The following TAFA1 variants were observed in gnomAD, a reference collection of about 807,000 sequenced individuals.
The protein encoded by TAFA1 is chemokine-like protein TAFA-1.
TAFA1 carries 4 observed loss-of-function variants against 18.5 expected under a neutral mutation model. The observed-to-expected ratio is 0.22, with a 90% CI of 0.11 to 0.49. The LOEUF is 0.49. TAFA1 is among the 20% of genes least tolerant of loss of function. The pLI is 0.98. For synonymous variants in TAFA1, 56 were observed against 55.2 expected (o/e 1.01, Z -0.06); for missense variants, 147 against 169.0 (o/e 0.87, Z 0.72).
intron 2 of TAFA1, among the ~76,000 whole-genome samples, chr3:68,254,145 C>G (rs77219719): frequency 0.021 from 1,749 of 84,980 alleles, 20 homozygotes; most frequent in African/African-American, 0.044. Flanking sequence ...ATCTATCTAT[C>G]TATCTATCTA....
intron 2 of TAFA1, among the ~76,000 whole-genome samples, chr3:68,246,415 C>T (rs1575703669): frequency 6.6e-6 from 1 of 151,110 alleles, no homozygotes; most frequent in Non-Finnish European, 1.5e-5. Flanking sequence ...ACGGTGAAAC[C>T]CCGTCTCTAC....
intron 2 of TAFA1, among the ~76,000 whole-genome samples, chr3:68,116,117 T>G (rs1036126331): frequency 6.6e-6 from 1 of 152,070 alleles, no homozygotes; most frequent in Non-Finnish European, 1.5e-5. Context: ...TAGCCTGGCA[T>G]GGTGGCGGGC....
At chr3:68,477,275 T>C (rs975256637) in intron 3 of TAFA1, among the ~76,000 whole-genome samples, 1 of 152,222 alleles carries the variant, frequency 6.6e-6, no homozygotes, top group African/African-American at 2.4e-5. Context: ...CATTACTATA[T>C]AGAATTCCAC....
chr3:68,096,799 G>A (rs1016468231), intron 2 of TAFA1, among the ~76,000 whole-genome samples: 5 of 152,086 alleles, frequency 3.3e-5, no homozygotes, highest in Non-Finnish European at 7.4e-5. Context: ...CACACACCCT[G>A]CACCTTAAGA....
At chr3:68,100,737 T>C (rs1321125214) in intron 2 of TAFA1, among the ~76,000 whole-genome samples, 1 of 152,192 alleles carries the variant, frequency 6.6e-6, no homozygotes, top group Non-Finnish European at 1.5e-5. Flanking sequence ...GAACATACCT[T>C]GTGTTTCAGA....
At chr3:68,140,007 A>G (rs1352155731) in intron 2 of TAFA1, among the ~76,000 whole-genome samples, 1 of 152,030 alleles carries the variant, frequency 6.6e-6, no homozygotes, top group African/African-American at 2.4e-5. Flanking sequence ...GAGACTCTAA[A>G]TATGTCAATA....
chr3:68,038,369 T>C (rs2106670828), intron 2 of TAFA1, among the ~76,000 whole-genome samples: 1 of 152,268 alleles, frequency 6.6e-6, no homozygotes, highest in South Asian at 2.1e-4. Context: ...AAGGTGTAAT[T>C]TCAGGGTAAC....
chr3:68,309,233 AGG>A (rs2068474771), intron 2 of TAFA1, among the ~76,000 whole-genome samples: 1 of 152,222 alleles, frequency 6.6e-6, no homozygotes, highest in South Asian at 2.1e-4. Flanking sequence ...AGCATACGAT[AGG>A]TGTCCAAGAC....
Position 68,004,337 on chromosome 3 carries a change from C to T in TAFA1, c.-369C>T, listed in dbSNP as rs1704321167. On this transcript the variant is annotated 5_prime_UTR_variant, in exon 1 of 5. Transcript: ENST00000478136. ...CCGAATGCACTGGAGTGGGGATGGT[C>T]CATCGGCAACTATAAACTGATTCTC... 1 of 152,180 alleles carries T rather than the reference C, an allele frequency of 6.6e-6. No individual in the cohort carries two copies. Among genetic ancestry groups the T allele is most frequent in the Non-Finnish European group, 1.5e-5 (1 of 68,062 alleles). The allele number at this position is 152,180 out of a possible 1,614,324, so 9.4% of individuals were successfully genotyped here. A position where few individuals can be genotyped will look rare whatever the true frequency, so the allele number is the denominator to read the frequency against.
chr3:68,482,232 G>A (rs577778303), intron 3 of TAFA1, among the ~76,000 whole-genome samples: 1 of 152,094 alleles, frequency 6.6e-6, no homozygotes, highest in Non-Finnish European at 1.5e-5. Flanking sequence ...GGATGGTTTC[G>A]ATCTGACCTC....
intron 2 of TAFA1, among the ~76,000 whole-genome samples, chr3:68,115,659 G>A (rs1437699757): frequency 1.3e-5 from 2 of 152,236 alleles, no homozygotes; most frequent in East Asian, 1.9e-4. Flanking sequence ...TGCCGGAGGC[G>A]TGGCCCTGTC....
At chr3:68,428,759 A>G (rs1013058703) in intron 3 of TAFA1, among the ~76,000 whole-genome samples, 2 of 152,004 alleles carry the variant, frequency 1.3e-5, no homozygotes, top group Non-Finnish European at 2.9e-5. Flanking sequence ...TTAGGCTTAT[A>G]AAATGATTGG....
chr3:68,066,880 G>A (rs1200993364), intron 2 of TAFA1, among the ~76,000 whole-genome samples: 1 of 152,160 alleles, frequency 6.6e-6, no homozygotes, highest in Admixed American at 6.5e-5. Flanking sequence ...GTTTTTATAA[G>A]CTGATGCCTC....
chr3:68,108,315 A>C (rs914022909), intron 2 of TAFA1, among the ~76,000 whole-genome samples: 1 of 152,090 alleles, frequency 6.6e-6, no homozygotes, highest in Non-Finnish European at 1.5e-5. Flanking sequence ...TATTTTTCTA[A>C]TGCATCAATG....
chr3:68,468,384 A>G (rs1299002551), intron 3 of TAFA1, among the ~76,000 whole-genome samples: 1 of 152,180 alleles, frequency 6.6e-6, no homozygotes, highest in Non-Finnish European at 1.5e-5. Context: ...TGTGCCTCTG[A>G]GAGTATACAA....
intron 3 of TAFA1, among the ~76,000 whole-genome samples, chr3:68,463,756 T>A (rs1322139334): frequency 6.6e-6 from 1 of 152,196 alleles, no homozygotes; most frequent in Non-Finnish European, 1.5e-5. Context: ...TTGTTTTTTT[T>A]ATAAATTTGG....
intron 2 of TAFA1, among the ~76,000 whole-genome samples, chr3:68,089,282 A>G (rs1234419890): frequency 6.6e-6 from 1 of 152,208 alleles, no homozygotes; most frequent in South Asian, 2.1e-4. Context: ...AATTGAGGTA[A>G]TACTTTTTGT....
At chr3:68,234,802 G>C (rs992380703) in intron 2 of TAFA1, among the ~76,000 whole-genome samples, 5 of 152,196 alleles carry the variant, frequency 3.3e-5, no homozygotes, top group Admixed American at 2.6e-4. Flanking sequence ...GATTTCCTCT[G>C]ATTACAAAGT....
intron 3 of TAFA1, among the ~76,000 whole-genome samples, chr3:68,448,032 G>A (rs1266788515): frequency 6.6e-6 from 1 of 152,208 alleles, no homozygotes; most frequent in Admixed American, 6.5e-5. Flanking sequence ...GAGCTGAGAA[G>A]TGAGCTCAGG....
Sources: gnomAD v4.1 joint callset for allele counts (sites outside exome capture counted in the v4.1 genomes callset) on GRCh38, gnomAD v4.1.1 for gene constraint, MANE v1.5 for transcripts, NCBI Gene and HGNC (gene_info 2026-07-23, HGNC 2026-07-21) for gene names.